ACAD10: variants seen among roughly 807,000 people sequenced by gnomAD.
The protein encoded by ACAD10 is acyl-CoA dehydrogenase family member 10.
ACAD10 carries 112 observed loss-of-function variants against 116.8 expected under a neutral mutation model. The observed-to-expected ratio is 0.96, with a 90% CI of 0.82 to 1.12. The LOEUF (loss-of-function observed/expected upper bound fraction) is 1.12, where lower values mean the gene tolerates loss of function less well. Ranked by LOEUF, ACAD10 falls within the 50% of genes most tolerant of loss-of-function variation. The probability of loss-of-function intolerance (pLI) is 0.00; values close to 1 mark genes in which losing one functional copy is unlikely to be tolerated. For synonymous variants in ACAD10, 486 were observed against 510.6 expected (o/e 0.95, Z 0.65); for missense variants, 1,259 against 1,350.2 (o/e 0.93, Z 1.06).
At chr12:111,728,187 A>G in intron 9 of ACAD10, 44 bp downstream of exon 9, 1 of 1,538,372 alleles carries the variant, frequency 6.5e-7, no homozygotes, top group Non-Finnish European at 8.8e-7. Context: ...TTTCATCACT[A>G]GTGCTTCTGC....
intron 6 of ACAD10, chr12:111,715,430 A>G (rs1272807472): frequency 9.6e-6 from 2 of 209,266 alleles, no homozygotes; most frequent in African/African-American, 4.6e-5. Flanking sequence ...GGCACCTTTC[A>G]TCCTCAGGCT....
intron 8 of ACAD10, among the ~76,000 whole-genome samples, chr12:111,724,424 A>G (rs1006246322): frequency 2.0e-5 from 3 of 152,176 alleles, no homozygotes; most frequent in South Asian, 4.1e-4. Flanking sequence ...AGAGGCTGCA[A>G]TCTCAGCACT....
rs1364428357 is a variant in ACAD10, at chr12:111,709,521, A to G, written c.532-5A>G. On this transcript the variant is annotated splice_polypyrimidine_tract_variant and splice_region_variant and intron_variant, in intron 4 of 20. Coordinates refer to ENST00000313698, the MANE Select transcript of ACAD10 (RefSeq NM_025247.6). ...ATTCATCTCTCATTCCTGTCCCTCCATCAGATTGTGGAGTCCTGCATGGAA... is the reference window on the plus strand; with the variant it reads ...ATTCATCTCTCATTCCTGTCCCTCCGTCAGATTGTGGAGTCCTGCATGGAA... The G allele has an allele frequency of 1.9e-6, 3 of 1,558,168 alleles. No homozygotes were observed. The highest frequency in any genetic ancestry group is 2.3e-5 in the East Asian group (1 of 42,592).
At position 111,756,715 on chromosome 12, in the gene ACAD10, CAG is replaced by C. The variant is rs764138248; in HGVS notation, c.*245_*246del. The stretch of plus-strand genomic sequence containing the variant: ...GCTGAGGGCCAAGGGGGTTCTGGGA[CAG>C]AGTCTGGAAAGCTGGTCTTCAGGCT... On this transcript the variant is annotated 3_prime_UTR_variant, in exon 21 of 21. Transcript: ENST00000313698. The C allele has an allele frequency of 4.7e-5, 33 of 700,084 alleles. No individual in the cohort carries two copies. The highest frequency in any genetic ancestry group is 4.6e-4 in the South Asian group (31 of 67,206). 43.4% of individuals were successfully genotyped at this position (700,084 alleles called of 1,614,324 possible).
At chr12:111,741,003 A>C (rs1197300256) in intron 12 of ACAD10, among the ~76,000 whole-genome samples, 1 of 152,052 alleles carries the variant, frequency 6.6e-6, no homozygotes, top group Non-Finnish European at 1.5e-5. Context: ...CAGTAGGGGA[A>C]TTGATCATTC....
intron 12 of ACAD10, among the ~76,000 whole-genome samples, chr12:111,739,364 G>A (rs369153568): frequency 1.2e-3 from 176 of 152,242 alleles, no homozygotes; most frequent in African/African-American, 4.1e-3. Context: ...TCCAGATTCT[G>A]GAAAACATCA....
At chr12:111,709,849 C>T in intron 5 of ACAD10, 165 bp downstream of exon 5, 1 of 783,492 alleles carries the variant, frequency 1.3e-6, no homozygotes, top group Non-Finnish European at 1.9e-6. Context: ...TGACTAGCTG[C>T]TTGTATTTTC....
At chr12:111,705,623 C>T in intron 3 of ACAD10, 115 bp from the exon 4 acceptor site, 1 of 926,342 alleles carries the variant, frequency 1.1e-6, no homozygotes, top group Non-Finnish European at 1.6e-6. Context: ...TGAGCCTGGG[C>T]TCTTGTAGCA....
intron 18 of ACAD10, among the ~76,000 whole-genome samples, chr12:111,751,587 T>C (rs1016561590): frequency 4.6e-5 from 7 of 152,008 alleles, no homozygotes; most frequent in Non-Finnish European, 8.8e-5. Flanking sequence ...AGAAGTTAGC[T>C]GGGCATGGTG....
intron 10 of ACAD10, 34 bp downstream of exon 10, chr12:111,729,990 C>T (rs1457238278): frequency 6.2e-7 from 1 of 1,605,512 alleles, no homozygotes; most frequent in Middle Eastern, 1.7e-4. Context: ...TGAAAAATGA[C>T]AGCAAGGATG....
At chr12:111,693,033 C>T in intron 2 of ACAD10, 137 bp downstream of exon 2, 1 of 915,378 alleles carries the variant, frequency 1.1e-6, no homozygotes, top group Non-Finnish European at 1.6e-6. Context: ...AGTCGAATTC[C>T]AAGCACCACT....
chr12:111,740,782 CAAAA>C (rs751899672), intron 12 of ACAD10, among the ~76,000 whole-genome samples: 2 of 51,072 alleles, frequency 3.9e-5, no homozygotes. Context: ...GACTCCATCT[CAAAA>C]AAAAAAAAAA....
chr12:111,757,076 A>C lies in ACAD10; in HGVS notation c.*603A>C. The C allele has an allele frequency of 5.6e-6, 2 of 356,760 alleles. No homozygotes were observed. The highest frequency in any genetic ancestry group is 4.1e-5 in the South Asian group (2 of 48,204). The allele number at this position is 356,760 out of a possible 1,614,324, so 22.1% of individuals were successfully genotyped here. A position where few individuals can be genotyped will look rare whatever the true frequency, so the allele number is the denominator to read the frequency against. ...GAAAGGGGTTTTGGGGACACAGAAG[A>C]ATAAGTAAACACATCTCGGAGGCTT... is the stretch of plus-strand genomic sequence containing the variant. On this transcript the variant is annotated 3_prime_UTR_variant, in exon 21 of 21. Transcript: ENST00000313698.
At chr12:111,723,857 C>T (rs1889128879) in intron 8 of ACAD10, among the ~76,000 whole-genome samples, 1 of 151,452 alleles carries the variant, frequency 6.6e-6, no homozygotes, top group African/African-American at 2.4e-5. Context: ...AGAGGGTCTC[C>T]TCACTTCTCA....
intron 8 of ACAD10, among the ~76,000 whole-genome samples, chr12:111,723,301 C>T (rs1469728401): frequency 2.4e-5 from 3 of 127,072 alleles, no homozygotes; most frequent in African/African-American, 3.0e-5. Flanking sequence ...CCAGACGGGG[C>T]GGCTGGCCGG....
At chr12:111,699,819 C>G (rs950942082) in intron 2 of ACAD10, among the ~76,000 whole-genome samples, 19 of 152,080 alleles carry the variant, frequency 1.2e-4, no homozygotes, top group Non-Finnish European at 2.2e-4. Flanking sequence ...ACTCAGGAGG[C>G]TAAGGCAGAA....
At chr12:111,701,438 G>C (rs1309499784) in intron 2 of ACAD10, among the ~76,000 whole-genome samples, 1 of 148,276 alleles carries the variant, frequency 6.7e-6, no homozygotes, top group Non-Finnish European at 1.5e-5. Context: ...AGGCAGGCAG[G>C]CAGATCACCT....
In ACAD10 at chr12:111,749,317, A is replaced by C. The variant is rs1296863427; in HGVS notation, c.2789A>C (p.Glu930Ala). 3.2e-5 allele frequency: 52 copies of C among 1,613,328 alleles called. No homozygotes were observed. The highest frequency in any genetic ancestry group is 4.4e-5 in the Non-Finnish European group (52 of 1,179,870). The stretch of plus-strand genomic sequence containing the variant: ...TGCATGAGGCTGATCGGGTTCTCAG[A>C]GAGGGCCCTGGCACTCATGAAGGCC... ...HHCMRLIGFS[E>A]RALALMKARV... is the part of the protein sequence containing the mutation. The change falls in exon 18 of 21, where the codon GAG becomes GCG. Residue 930 changes from glutamate to alanine, a missense_variant. Coordinates refer to ENST00000313698, the MANE Select transcript of ACAD10 (RefSeq NM_025247.6).
chr12:111,718,036 C>CTTTTTTT lies in ACAD10; in HGVS notation c.992+2099_992+2105dup, dbSNP rs560344796. On this transcript the variant is annotated intron_variant, in intron 7 of 20. Coordinates refer to ENST00000313698, the MANE Select transcript of ACAD10 (RefSeq NM_025247.6). ...TATACGTAGGATCTATAGTGATATCCTTTTTTTTTTTTTTTTTTTTTTTTT... is the reference window on the plus strand; with the variant it reads ...TATACGTAGGATCTATAGTGATATCCTTTTTTTTTTTTTTTTTTTTTTTTTTTTTTTT... Among the ~76,000 whole-genome samples the CTTTTTTT allele has an allele frequency of 2.4e-3, 153 of 63,680 alleles. 27 individuals are homozygous for CTTTTTTT. The highest frequency in any genetic ancestry group is 0.011 in the African/African-American group (138 of 12,208). The allele number at this position is 63,680 out of a possible 152,430, so 41.8% of individuals were successfully genotyped here.
Sources: allele counts gnomAD v4.1 joint callset (sites outside exome capture counted in the v4.1 genomes callset), GRCh38; gene constraint gnomAD v4.1.1; transcripts MANE v1.5; gene names NCBI Gene and HGNC (gene_info 2026-07-23, HGNC 2026-07-21).